Variants in EFR3B observed in about 807,000 individuals in gnomAD.
The protein encoded by EFR3B is EFR3 homolog B, also known as protein EFR3 homolog B.
A neutral mutation model predicts 104.7 loss-of-function variants in EFR3B; 64 were observed. That is an observed-to-expected ratio of 0.61 (90% confidence interval 0.50 to 0.75). The LOEUF is 0.75. Among genes scored for constraint, EFR3B ranks in the 30% least tolerant of loss-of-function variants. The pLI is 0.00. For synonymous variants in EFR3B, 385 were observed against 417.9 expected (o/e 0.92, Z 0.96); for missense variants, 750 against 1,078.5 (o/e 0.70, Z 4.27).
At chr2:25,055,935 T>C (rs1361791630) in intron 1 of EFR3B, among the ~76,000 whole-genome samples, 2 of 152,234 alleles carry the variant, frequency 1.3e-5, no homozygotes, top group Non-Finnish European at 2.9e-5. Flanking sequence ...TTGAGGACAC[T>C]ATCTTAATCA....
chr2:25,081,777 A>C, intron 1 of EFR3B: 1 of 398,938 alleles, frequency 2.5e-6, no homozygotes, highest in Non-Finnish European at 4.4e-6. Flanking sequence ...TGTGAGAGAG[A>C]CTGGAGTGGC....
chr2:25,125,254 CA>C (rs1395254942), intron 5 of EFR3B, among the ~76,000 whole-genome samples: 1 of 152,192 alleles, frequency 6.6e-6, no homozygotes, highest in Non-Finnish European at 1.5e-5. Context: ...GATTAATTCA[CA>C]TGTACACATA....
chr2:25,136,569 T>C lies in EFR3B; in HGVS notation c.1531T>C (p.Ser511Pro). Residue 511 changes from serine to proline, a missense_variant, in exon 14 of 23, where the codon TCT becomes CCT. Coordinates refer to ENST00000403714, the MANE Select transcript of EFR3B (RefSeq NM_014971.2). The surrounding 1 kb of genome is among the most constrained non-coding windows in gnomAD (Gnocchi z 4.0). ...CCTGAAGCTGAAAGTGGACAAGTGC[T>C]CTCGACAGGACACCGTCTTCATGAA... is the stretch of plus-strand genomic sequence containing the variant. ...SVLKLKVDKC[S>P]RQDTVFMKKH... 1 of 1,551,372 alleles carries C rather than the reference T, an allele frequency of 6.4e-7. No individual in the cohort carries two copies. The highest frequency in any genetic ancestry group is 1.2e-5 in the South Asian group (1 of 84,048).
intron 1 of EFR3B, among the ~76,000 whole-genome samples, chr2:25,055,941 A>C (rs1297890266): frequency 6.6e-6 from 1 of 152,164 alleles, no homozygotes; most frequent in East Asian, 1.9e-4. Context: ...ACACTATCTT[A>C]ATCAGCTTTG....
At chr2:25,126,307 G>C (rs1670166822) in intron 5 of EFR3B, among the ~76,000 whole-genome samples, 1 of 151,946 alleles carries the variant, frequency 6.6e-6, no homozygotes, top group African/African-American at 2.4e-5. Context: ...TTCCACCCCA[G>C]CCTCCTGAGT....
chr2:25,075,984 C>T (rs1264074432), intron 1 of EFR3B, among the ~76,000 whole-genome samples: 3 of 152,128 alleles, frequency 2.0e-5, no homozygotes, highest in Admixed American at 6.5e-5. Flanking sequence ...CCTTGACCTC[C>T]CAGTCTCAAG....
chr2:25,061,408 C>CCTACTTGTT (rs1457292719), intron 1 of EFR3B, among the ~76,000 whole-genome samples: 3 of 148,212 alleles, frequency 2.0e-5, no homozygotes, highest in African/African-American at 7.5e-5. Flanking sequence ...GCACCGTGCC[C>CCTACTTGTT]AACCTGGAGT....
intron 22 of EFR3B, 79 bp downstream of exon 22, chr2:25,153,840 CT>C (rs773757157): frequency 4.2e-5 from 59 of 1,395,458 alleles, no homozygotes; most frequent in Non-Finnish European, 5.3e-5. Flanking sequence ...CCTCTCACCC[CT>C]GTCTTCTCTT....
chr2:25,149,549 G>T lies in EFR3B; in HGVS notation c.2143-145G>T, dbSNP rs75316949. On this transcript the variant is annotated intron_variant, in intron 19 of 22. Transcript: ENST00000403714. ...GCTCAGGGAGCTTCTGAGACCCTGA[G>T]GGGGGTGGGGGTGTCCTGAGGGACT... The T allele has an allele frequency of 7.8e-4, 596 of 761,524 alleles. 4 individuals are homozygous for T. The African/African-American group carries it at 9.2e-3, about 12-fold the overall frequency. The allele number at this position is 761,524 out of a possible 1,614,324, so 47.2% of individuals were successfully genotyped here.
At chr2:25,050,620 CA>C (rs1667840823) in intron 1 of EFR3B, among the ~76,000 whole-genome samples, 1 of 152,084 alleles carries the variant, frequency 6.6e-6, no homozygotes, top group African/African-American at 2.4e-5. Context: ...GTTTTACACA[CA>C]CACATGACAA....
chr2:25,072,977 C>G (rs1391632877), intron 1 of EFR3B, among the ~76,000 whole-genome samples: 1 of 152,228 alleles, frequency 6.6e-6, no homozygotes, highest in African/African-American at 2.4e-5. Context: ...TCTGCACACT[C>G]TTTCCAGCAT....
chr2:25,109,020 A>C (rs145873324), intron 4 of EFR3B, among the ~76,000 whole-genome samples: 1 of 152,154 alleles, frequency 6.6e-6, no homozygotes, highest in Admixed American at 6.5e-5. Flanking sequence ...AATAAAAAAT[A>C]AAATTAAATT....
At chr2:25,102,636 T>A (rs1452897762) in intron 3 of EFR3B, among the ~76,000 whole-genome samples, 2 of 151,988 alleles carry the variant, frequency 1.3e-5, no homozygotes, top group Non-Finnish European at 2.9e-5. Flanking sequence ...CCTTGACACG[T>A]GGGGATTATT....
intron 4 of EFR3B, among the ~76,000 whole-genome samples, chr2:25,107,222 G>A (rs1669589191): frequency 6.6e-6 from 1 of 152,144 alleles, no homozygotes; most frequent in African/African-American, 2.4e-5. Flanking sequence ...CCTCTGTGCA[G>A]ATAGCCCCCA....
chr2:25,087,481 G>GA (rs1293456867), intron 1 of EFR3B, among the ~76,000 whole-genome samples: 26 of 145,342 alleles, frequency 1.8e-4, no homozygotes, highest in African/African-American at 6.8e-4. Flanking sequence ...TGAAGAGCAG[G>GA]ATTTTTTTTT....
At chr2:25,071,276 T>TC (rs1668488809) in intron 1 of EFR3B, among the ~76,000 whole-genome samples, 1 of 148,484 alleles carries the variant, frequency 6.7e-6, no homozygotes, top group Non-Finnish European at 1.5e-5. Flanking sequence ...TTTTTTTTTT[T>TC]CTGAGACAGA....
chr2:25,148,244 C>G (rs915542245), intron 19 of EFR3B, among the ~76,000 whole-genome samples: 4 of 151,160 alleles, frequency 2.6e-5, no homozygotes, highest in Admixed American at 6.6e-5. Flanking sequence ...CCGGGGAGGG[C>G]CGGTCACTTC....
At chr2:25,149,935 T>G (rs1276198121) in intron 20 of EFR3B, among the ~76,000 whole-genome samples, 193 bp downstream of exon 20, 1 of 152,146 alleles carries the variant, frequency 6.6e-6, no homozygotes, top group African/African-American at 2.4e-5. Context: ...GCTCTCCTGA[T>G]GGGGGTCAGT....
chr2:25,080,953 C>T (rs1490869468), intron 1 of EFR3B: 12 of 761,954 alleles, frequency 1.6e-5, no homozygotes, highest in Non-Finnish European at 2.4e-5. Context: ...AGCCGGAGAG[C>T]TTGTTCCTTT....
Sources: gnomAD v4.1 joint callset for allele counts (sites outside exome capture counted in the v4.1 genomes callset) on GRCh38, gnomAD v4.1.1 for gene constraint, Gnocchi (gnomAD v3.1) non-coding constraint, MANE v1.5 for transcripts, NCBI Gene and HGNC (gene_info 2026-07-23, HGNC 2026-07-21) for gene names.